ESD: variants seen among roughly 807,000 people sequenced by gnomAD.
ESD encodes esterase D, also known as S-formylglutathione hydrolase.
ESD carries 34 observed loss-of-function variants against 38.1 expected under a neutral mutation model. That is an observed-to-expected ratio of 0.89 (90% CI 0.68 to 1.19). ESD has a LOEUF of 1.19. Among genes scored for constraint, ESD ranks in the 50% most tolerant of loss-of-function variants. ESD has a pLI of 0.00. For synonymous variants in ESD, 97 were observed against 107.0 expected (o/e 0.91, Z 0.58); for missense variants, 334 against 327.2 (o/e 1.02, Z -0.16).
intron 8 of ESD, among the ~76,000 whole-genome samples, chr13:46,778,411 C>G (rs1276229516): frequency 6.6e-6 from 1 of 151,822 alleles, no homozygotes; most frequent in African/African-American, 2.4e-5. Flanking sequence ...TAAAGTCTGA[C>G]TAGTTAGTTC....
chr13:46,788,972 T>C (rs2138301090), intron 3 of ESD, among the ~76,000 whole-genome samples: 1 of 152,270 alleles, frequency 6.6e-6, no homozygotes, highest in South Asian at 2.1e-4. Flanking sequence ...AAATGTTCTA[T>C]CTATGTATTG....
chr13:46,771,352 C>A lies in ESD; in HGVS notation c.*64G>T. 8 of 951,036 alleles carry A rather than the reference C, an allele frequency of 8.4e-6. No individual in the cohort carries two copies. Among genetic ancestry groups the A allele is most frequent in the East Asian group, 2.8e-5 (1 of 36,214 alleles). 58.9% of individuals were successfully genotyped at this position (951,036 alleles called of 1,614,324 possible). On this transcript the variant is annotated 3_prime_UTR_variant, in exon 10 of 10. Transcript: ENST00000378720. ...GTTTTGAATTTTTTTTTTTTTTGCT[C>A]AGCAATACAGTTGCATTTTACAACT...
At position 46,791,398 on chromosome 13, in the gene ESD, T is replaced by G. The variant is rs577297789; in HGVS notation, c.16A>C (p.Ile6Leu). 1 of 1,612,870 alleles carries G rather than the reference T, an allele frequency of 6.2e-7. No homozygotes were observed. The highest frequency in any genetic ancestry group is 1.1e-5 in the South Asian group (1 of 90,960). Residue 6 changes from isoleucine to leucine, a missense_variant, in exon 3 of 10, where the codon ATT becomes CTT. Ile to Leu is a conservative substitution (Grantham distance 5). Transcript: ENST00000378720. MALKQ[I>L]SSNKCFGGLQ... ...CCCCCAAAGCACTTGTTGCTGGAAA[T>G]CTGCTTCAATGCCATTCTTTTCCTA...
In ESD at chr13:46,772,952, G is replaced by A. The variant is rs371179388; in HGVS notation, c.769-1456C>T. Among the ~76,000 whole-genome samples, 83 of 152,266 alleles carry A rather than the reference G, an allele frequency of 5.5e-4. 1 individual carries two copies. In the South Asian group the frequency reaches 0.016, roughly 29 times the overall value. ...GTCCACCTTAGCCTCCCAAAGTGCT[G>A]GGATTACAGGCGTGAGCCACTGCGC... On this transcript the variant is annotated intron_variant, in intron 9 of 9. Coordinates refer to ENST00000378720, the MANE Select transcript of ESD (RefSeq NM_001984.2).
At chr13:46,772,934 T>TGCC (rs1874662239) in intron 9 of ESD, among the ~76,000 whole-genome samples, 2 of 152,194 alleles carry the variant, frequency 1.3e-5, no homozygotes, top group Non-Finnish European at 2.9e-5. Context: ...TCCGTCCACC[T>TGCC]TAGCCTCCCA....
At chr13:46,778,395 G>C (rs1456646154) in intron 8 of ESD, among the ~76,000 whole-genome samples, 1 of 151,762 alleles carries the variant, frequency 6.6e-6, no homozygotes, top group Non-Finnish European at 1.5e-5. Context: ...AGTGGGAGAG[G>C]ACCTATAAAG....
intron 3 of ESD, among the ~76,000 whole-genome samples, chr13:46,787,418 T>G (rs80108882): frequency 1.7e-3 from 260 of 152,114 alleles, no homozygotes; most frequent in Middle Eastern, 3.4e-3. Context: ...AAATAGTTTT[T>G]GTTTCTAAAG....
intron 6 of ESD, 107 bp from the exon 7 acceptor site, chr13:46,781,722 T>A (rs992713072): frequency 3.8e-6 from 4 of 1,041,670 alleles, no homozygotes; most frequent in Non-Finnish European, 5.8e-6. Flanking sequence ...ATCATAGTCT[T>A]ACAATGGTTT....
intron 1 of ESD, among the ~76,000 whole-genome samples, chr13:46,795,956 C>T (rs1875559620): frequency 6.6e-6 from 1 of 152,020 alleles, no homozygotes; most frequent in Non-Finnish European, 1.5e-5. Flanking sequence ...GCTGCCTAGG[C>T]TGGGTCTCTT....
intron 9 of ESD, among the ~76,000 whole-genome samples, chr13:46,773,718 A>G (rs1307342525): frequency 1.3e-5 from 2 of 152,222 alleles, no homozygotes; most frequent in Admixed American, 1.3e-4. Flanking sequence ...AGTCTTCTAA[A>G]GCAATCTGTC....
intron 9 of ESD, among the ~76,000 whole-genome samples, chr13:46,772,777 C>T (rs1480273915): frequency 3.3e-5 from 5 of 152,096 alleles, no homozygotes; most frequent in African/African-American, 7.2e-5. Flanking sequence ...CTCCACATCC[C>T]GGGTTCAAGC....
At chr13:46,778,009 C>G (rs1174111435) in intron 8 of ESD, among the ~76,000 whole-genome samples, 1 of 151,816 alleles carries the variant, frequency 6.6e-6, no homozygotes, top group Non-Finnish European at 1.5e-5. Flanking sequence ...CTTCTTCTAA[C>G]TCCATGATCT....
intron 1 of ESD, among the ~76,000 whole-genome samples, chr13:46,796,393 T>A (rs1375225686): frequency 1.3e-5 from 2 of 152,236 alleles, no homozygotes; most frequent in Non-Finnish European, 2.9e-5. Flanking sequence ...ATGAGTTAAT[T>A]CACGTAGTGC....
At chr13:46,785,996 C>A (rs888461849) in intron 4 of ESD, among the ~76,000 whole-genome samples, 4 of 152,002 alleles carry the variant, frequency 2.6e-5, no homozygotes, top group Admixed American at 1.3e-4. Context: ...AGCGTGTGAC[C>A]CTGGACAATA....
intron 7 of ESD, among the ~76,000 whole-genome samples, chr13:46,780,997 T>C (rs942102948): frequency 2.9e-4 from 44 of 151,722 alleles, no homozygotes; most frequent in African/African-American, 1.1e-3. Context: ...AATTTGACTC[T>C]GGGAAAGGCT....
chr13:46,793,626 T>C (rs1875470838), intron 1 of ESD, among the ~76,000 whole-genome samples, 182 bp from the exon 2 acceptor site: 1 of 152,224 alleles, frequency 6.6e-6, no homozygotes, highest in African/African-American at 2.4e-5. Flanking sequence ...AATCTAATTA[T>C]TTGCCACAGG....
chr13:46,789,317 ACT>A (rs1264598126), intron 3 of ESD, among the ~76,000 whole-genome samples: 2 of 152,038 alleles, frequency 1.3e-5, no homozygotes, highest in Non-Finnish European at 2.9e-5. Context: ...TCTTCATTCT[ACT>A]CTCACTTAAT....
At chr13:46,787,781 T>A (rs1367402998) in intron 3 of ESD, among the ~76,000 whole-genome samples, 1 of 151,936 alleles carries the variant, frequency 6.6e-6, no homozygotes, top group Non-Finnish European at 1.5e-5. Context: ...TTCCACACAC[T>A]GTTATGAAAA....
chr13:46,787,194 G>A, intron 3 of ESD, 85 bp from the exon 4 acceptor site: 1 of 688,336 alleles, frequency 1.5e-6, no homozygotes, highest in Middle Eastern at 4.4e-4. Flanking sequence ...TATATAAAAA[G>A]TAAGATATAT....
Sources: allele counts gnomAD v4.1 joint callset (sites outside exome capture counted in the v4.1 genomes callset), GRCh38; gene constraint gnomAD v4.1.1; transcripts MANE v1.5; gene names NCBI Gene and HGNC (gene_info 2026-07-23, HGNC 2026-07-21).